WDR72: variants seen among roughly 807,000 people sequenced by gnomAD.
WDR72 encodes the protein WD repeat domain 72.
Under a neutral mutation model 124.2 loss-of-function variants are expected in WDR72, and 120 were observed. That is an observed-to-expected ratio of 0.97 (90% CI 0.83 to 1.12). The LOEUF is 1.12. Ranked by LOEUF, WDR72 falls within the 50% of genes most tolerant of loss-of-function variation. The pLI is 0.00. For missense variants in WDR72, 1,387 were observed against 1,278.8 expected (o/e 1.08, Z -1.29); for synonymous variants, 452 against 441.7 (o/e 1.02, Z -0.29).
chr15:53,641,300 ATC>A (rs1397787083), intron 14 of WDR72, among the ~76,000 whole-genome samples: 12 of 151,602 alleles, frequency 7.9e-5, no homozygotes, highest in African/African-American at 2.9e-4. Context: ...TTCCCCATTT[ATC>A]TCTTTCTCTG....
chr15:53,578,624 G>T (rs892441731), intron 18 of WDR72, among the ~76,000 whole-genome samples: 2 of 152,052 alleles, frequency 1.3e-5, no homozygotes, highest in South Asian at 2.1e-4. Flanking sequence ...GGCAAAATAA[G>T]ACTAGAGAGA....
chr15:53,561,953 T>C (rs1482154497), intron 18 of WDR72, among the ~76,000 whole-genome samples: 1 of 151,806 alleles, frequency 6.6e-6, no homozygotes, highest in African/African-American at 2.4e-5. Context: ...AAAGCTCAAG[T>C]AGTTAACATG....
At chr15:53,724,121 A>C (rs896404402) in intron 2 of WDR72, among the ~76,000 whole-genome samples, 1 of 152,232 alleles carries the variant, frequency 6.6e-6, no homozygotes, top group Admixed American at 6.5e-5. Context: ...AAACTCATAG[A>C]AACAGAATTA....
chr15:53,639,991 A>T (rs2014787787), intron 14 of WDR72, among the ~76,000 whole-genome samples: 4 of 152,204 alleles, frequency 2.6e-5, no homozygotes, highest in Admixed American at 2.6e-4. Context: ...ATTTCATAAC[A>T]TTCTCCTTCT....
rs1228284417 is a variant in WDR72, at chr15:53,712,806, C to G, written c.677G>C (p.Arg226Thr). Residue 226 changes from arginine to threonine, a missense_variant, in exon 7 of 20, where the codon AGA becomes ACA. Transcript: ENST00000360509. Reference sequence around the variant, plus strand: ...TTTAGAAAATACCACCAATAGAAGTCTCTCAGTATATGTGCAAAATCGAAT... The same window carrying G: ...TTTAGAAAATACCACCAATAGAAGTGTCTCAGTATATGTGCAAAATCGAAT... The part of the protein sequence containing the change: ...QTIRFCTYTE[R>T]LLLVVFSKCW... 1 of 1,613,424 alleles carries G rather than the reference C, an allele frequency of 6.2e-7. No individual in the cohort carries two copies. The highest frequency in any genetic ancestry group is 8.5e-7 in the Non-Finnish European group (1 of 1,179,540).
intron 14 of WDR72, among the ~76,000 whole-genome samples, chr15:53,617,491 AG>A (rs1339130981): frequency 1.3e-5 from 2 of 151,746 alleles, no homozygotes; most frequent in South Asian, 2.1e-4. Context: ...AAGTTTAAAA[AG>A]AAAACCATTA....
chr15:53,531,047 T>C (rs564879883), intron 18 of WDR72, among the ~76,000 whole-genome samples: 2 of 152,160 alleles, frequency 1.3e-5, no homozygotes, highest in African/African-American at 4.8e-5. Context: ...AGATAGGAAA[T>C]GGAAAATAAG....
chr15:53,710,987 C>T (rs1447558032), intron 8 of WDR72, 34 bp from the exon 9 acceptor site: 1 of 1,567,804 alleles, frequency 6.4e-7, no homozygotes, highest in Non-Finnish European at 8.8e-7. Flanking sequence ...AAGTTTAGAA[C>T]TTTGAGGTTC....
chr15:53,531,464 G>T (rs866581394), intron 18 of WDR72, among the ~76,000 whole-genome samples: 2 of 152,064 alleles, frequency 1.3e-5, no homozygotes, highest in Non-Finnish European at 2.9e-5. Flanking sequence ...ATAAATAACA[G>T]AAAGATGCCT....
chr15:53,620,060 C>A (rs972699538), intron 14 of WDR72, among the ~76,000 whole-genome samples: 2 of 151,856 alleles, frequency 1.3e-5, no homozygotes, highest in Admixed American at 1.3e-4. Context: ...GGCAATTTGG[C>A]AACATGTATC....
intron 14 of WDR72, among the ~76,000 whole-genome samples, chr15:53,655,899 G>A (rs2015405759): frequency 6.6e-6 from 1 of 152,188 alleles, no homozygotes; most frequent in African/African-American, 2.4e-5. Flanking sequence ...CACCATGTTG[G>A]TCAGGCTGGT....
chr15:53,668,935 G>GAGGAGC (rs1450568358), intron 13 of WDR72, among the ~76,000 whole-genome samples: 1 of 43,254 alleles, frequency 2.3e-5, no homozygotes, highest in Non-Finnish European at 6.6e-5. Flanking sequence ...GAAGGAGGAG[G>GAGGAGC]AGGAGGAGGA....
chr15:53,577,042 C>A (rs74017465), intron 18 of WDR72, among the ~76,000 whole-genome samples: 15,355 of 152,110 alleles, frequency 0.1, 1,016 homozygotes, highest in African/African-American at 0.18. Context: ...CACTACTGTG[C>A]ATTTTAGCTT....
At position 53,702,232 on chromosome 15, in the gene WDR72, C is replaced by T; in HGVS notation, c.1471G>A (p.Val491Met). 1.2e-6 allele frequency: 2 copies of T among 1,614,126 alleles called. No individual in the cohort carries two copies. The highest frequency in any genetic ancestry group is 1.3e-5 in the African/African-American group (1 of 75,050). The change falls in exon 12 of 20, where the codon GTG becomes ATG. Residue 491 changes from valine to methionine, a missense_variant. Val to Met is a conservative substitution (Grantham distance 21). Coordinates refer to ENST00000360509, the MANE Select transcript of WDR72 (RefSeq NM_182758.4). ...WMLSGDLDSC[V>M]ILWDIFTEEI... Reference sequence around the variant, plus strand: ...TCAGTAAAGATATCCCACAAGATCACACATGAGTCCAGGTCCCCAGACAAC... The same window carrying T: ...TCAGTAAAGATATCCCACAAGATCATACATGAGTCCAGGTCCCCAGACAAC...
chr15:53,705,795 T>C, intron 10 of WDR72, 132 bp downstream of exon 10: 1 of 1,042,424 alleles, frequency 9.6e-7, no homozygotes. Flanking sequence ...TTTCATGTTG[T>C]CATTTAATAC....
At chr15:53,685,453 G>T (rs1329800821) in intron 13 of WDR72, among the ~76,000 whole-genome samples, 1 of 136,496 alleles carries the variant, frequency 7.3e-6, no homozygotes, top group African/African-American at 2.8e-5. Flanking sequence ...CTGGAAGAAA[G>T]GGTATCAGTG....
intron 14 of WDR72, among the ~76,000 whole-genome samples, chr15:53,637,126 T>C (rs2014653387): frequency 6.6e-6 from 1 of 152,212 alleles, no homozygotes; most frequent in Non-Finnish European, 1.5e-5. Flanking sequence ...TTGGCTTCTT[T>C]CACTTAACAT....
chr15:53,720,866 T>G (rs113032525), intron 3 of WDR72, among the ~76,000 whole-genome samples: 1 of 152,124 alleles, frequency 6.6e-6, no homozygotes, highest in Non-Finnish European at 1.5e-5. Context: ...AAATAATAAT[T>G]TGAGAAAAAT....
chr15:53,518,508 T>C (rs1243892040), intron 19 of WDR72, among the ~76,000 whole-genome samples: 5 of 152,100 alleles, frequency 3.3e-5, no homozygotes, highest in Non-Finnish European at 7.4e-5. Flanking sequence ...ATTTTAAGAA[T>C]GTCATATTGT....
Sources: gnomAD v4.1 joint callset for allele counts (sites outside exome capture counted in the v4.1 genomes callset) on GRCh38, gnomAD v4.1.1 for gene constraint, MANE v1.5 for transcripts, NCBI Gene and HGNC (gene_info 2026-07-23, HGNC 2026-07-21) for gene names.